The following FAM168A variants were observed in gnomAD, a reference collection of about 807,000 sequenced individuals.
FAM168A encodes protein FAM168A.
A neutral mutation model predicts 28.5 loss-of-function variants in FAM168A; 3 were observed. The observed-to-expected ratio is 0.11, with a 90% confidence interval of 0.05 to 0.27. The LOEUF (loss-of-function observed/expected upper bound fraction) is 0.27. Ranked by LOEUF, FAM168A falls within the 10% of genes least tolerant of loss-of-function variation. The pLI, the probability that FAM168A is intolerant of heterozygous loss-of-function variation, is 1.00. For missense variants in FAM168A, 222 were observed against 311.5 expected (o/e 0.71, Z 2.16); for synonymous variants, 122 against 124.2 (o/e 0.98, Z 0.12).
At chr11:73,445,458 C>T (rs1867294886) in intron 2 of FAM168A, among the ~76,000 whole-genome samples, 1 of 81,732 alleles carries the variant, frequency 1.2e-5, no homozygotes, top group African/African-American at 5.2e-5. Flanking sequence ...TTGGTAGAGA[C>T]AGGGTCTCAA....
chr11:73,571,982 C>A (rs534382277), intron 1 of FAM168A, among the ~76,000 whole-genome samples: 2,655 of 151,566 alleles, frequency 0.018, 66 homozygotes, highest in African/African-American at 0.054. Flanking sequence ...TGCCCAGCCG[C>A]CCCGTCTGAG....
intron 2 of FAM168A, among the ~76,000 whole-genome samples, chr11:73,462,713 C>CA (rs35507111): frequency 0.048 from 7,231 of 151,858 alleles, 546 homozygotes; most frequent in African/African-American, 0.16. Context: ...CCGTCTCTAC[C>CA]AAAAATACAA....
intron 1 of FAM168A, among the ~76,000 whole-genome samples, chr11:73,561,462 CATAT>C (rs148416945): frequency 6.7e-6 from 1 of 149,716 alleles, no homozygotes; most frequent in African/African-American, 2.4e-5. Flanking sequence ...ACTGGGGAGA[CATAT>C]ATATATATAT....
chr11:73,522,971 C>T (rs1943403321), intron 1 of FAM168A, among the ~76,000 whole-genome samples: 2 of 152,086 alleles, frequency 1.3e-5, no homozygotes, highest in South Asian at 4.2e-4. Context: ...AGAGATAACA[C>T]CACTGAACTC....
At chr11:73,514,056 A>G (rs888685169) in intron 1 of FAM168A, among the ~76,000 whole-genome samples, 1 of 152,000 alleles carries the variant, frequency 6.6e-6, no homozygotes, top group Admixed American at 6.6e-5. Flanking sequence ...GTTATGGTAC[A>G]TGCCTGTAGT....
At chr11:73,570,828 T>C (rs971383240) in intron 1 of FAM168A, among the ~76,000 whole-genome samples, 3 of 152,156 alleles carry the variant, frequency 2.0e-5, no homozygotes, top group African/African-American at 7.2e-5. Context: ...GTTGACATTA[T>C]TATATATAAA....
chr11:73,437,497 C>T (rs561369826), intron 2 of FAM168A, among the ~76,000 whole-genome samples: 2 of 147,288 alleles, frequency 1.4e-5, no homozygotes, highest in South Asian at 2.3e-4. Context: ...TCTGCCTCCT[C>T]GGTTCAAGCA....
At chr11:73,586,011 T>C (rs914254599) in intron 1 of FAM168A, among the ~76,000 whole-genome samples, 1 of 152,168 alleles carries the variant, frequency 6.6e-6, no homozygotes, top group Non-Finnish European at 1.5e-5. Flanking sequence ...GGGTGAGTTA[T>C]ATCCTGCTCT....
At chr11:73,594,694 A>G (rs1006939452) in intron 1 of FAM168A, among the ~76,000 whole-genome samples, 3 of 152,004 alleles carry the variant, frequency 2.0e-5, no homozygotes, top group African/African-American at 7.3e-5. Flanking sequence ...GCTACCAGCT[A>G]ATTTTTGTAT....
chr11:73,480,992 C>T (rs1406698783), intron 1 of FAM168A, among the ~76,000 whole-genome samples: 1 of 152,154 alleles, frequency 6.6e-6, no homozygotes, highest in Non-Finnish European at 1.5e-5. Context: ...TTTACACATG[C>T]TGTTTTGTTT....
intron 1 of FAM168A, among the ~76,000 whole-genome samples, chr11:73,474,911 C>G (rs1199947056): frequency 6.6e-6 from 1 of 152,184 alleles, no homozygotes; most frequent in Non-Finnish European, 1.5e-5. Context: ...GCAGCTACTT[C>G]CAATGCCCAG....
At chr11:73,462,299 C>T (rs1003859489) in intron 2 of FAM168A, among the ~76,000 whole-genome samples, 14 of 152,126 alleles carry the variant, frequency 9.2e-5, no homozygotes, top group Admixed American at 4.6e-4. Flanking sequence ...TCCTGACACA[C>T]GGATGAAACC....
Position 73,521,460 on chromosome 11 carries a change from G to GA in FAM168A, c.-18-52969dup, listed in dbSNP as rs935174192. Among the ~76,000 whole-genome samples the GA allele has an allele frequency of 5.7e-3, 827 of 145,424 alleles. 5 individuals carry two copies. The highest frequency in any genetic ancestry group is 0.016 in the African/African-American group (650 of 39,540). On this transcript the variant is annotated intron_variant, in intron 1 of 7. Transcript: ENST00000356467. Reference sequence around the variant, plus strand: ...TGAGCCCAAGGGTGGAAGGAGATTAGAAAAAAAAAACAAAAAAAGAAGAAG... The same window carrying GA: ...TGAGCCCAAGGGTGGAAGGAGATTAGAAAAAAAAAAACAAAAAAAGAAGAAG...
chr11:73,408,774 C>T (rs986497727), intron 6 of FAM168A, among the ~76,000 whole-genome samples: 5 of 145,062 alleles, frequency 3.4e-5, no homozygotes, highest in African/African-American at 1.0e-4. Flanking sequence ...AAGCAAGACC[C>T]TGTCTCAAAA....
intron 1 of FAM168A, among the ~76,000 whole-genome samples, chr11:73,589,003 G>C (rs965219612): frequency 1.3e-5 from 2 of 152,048 alleles, no homozygotes; most frequent in Non-Finnish European, 2.9e-5. Flanking sequence ...GCCAGTAAGA[G>C]AGCCCTAACC....
At chr11:73,551,960 C>T (rs1444736262) in intron 1 of FAM168A, among the ~76,000 whole-genome samples, 1 of 152,212 alleles carries the variant, frequency 6.6e-6, no homozygotes, top group Non-Finnish European at 1.5e-5. Flanking sequence ...ATTTCTTAGT[C>T]TGCCCTGGAG....
chr11:73,460,269 G>GATAT (rs1867621185), intron 2 of FAM168A, among the ~76,000 whole-genome samples: 1 of 152,004 alleles, frequency 6.6e-6, no homozygotes, highest in African/African-American at 2.4e-5. Flanking sequence ...CATATCAGAG[G>GATAT]GCTACTCATT....
At chr11:73,547,097 A>AG (rs1943766408) in intron 1 of FAM168A, among the ~76,000 whole-genome samples, 1 of 151,036 alleles carries the variant, frequency 6.6e-6, no homozygotes, top group Non-Finnish European at 1.5e-5. Flanking sequence ...AAAAAAAAAA[A>AG]AAAGAAAGAA....
At chr11:73,489,613 C>A (rs190656003) in intron 1 of FAM168A, among the ~76,000 whole-genome samples, 24 of 151,556 alleles carry the variant, frequency 1.6e-4, no homozygotes, top group Non-Finnish European at 3.1e-4. Flanking sequence ...TAGGCTCAAG[C>A]GATCTTCCCA....
Sources: allele counts gnomAD v4.1 joint callset (sites outside exome capture counted in the v4.1 genomes callset), GRCh38; gene constraint gnomAD v4.1.1; transcripts MANE v1.5; gene names NCBI Gene and HGNC (gene_info 2026-07-23, HGNC 2026-07-21).